The following P3H2 variants were observed in gnomAD, a reference collection of about 807,000 sequenced individuals.
P3H2 encodes prolyl 3-hydroxylase 2.
In P3H2, 80 loss-of-function variants were observed where a neutral mutation model predicts 87.0. That is an observed-to-expected ratio of 0.92 (90% confidence interval 0.77 to 1.11). The LOEUF is 1.11. Among genes scored for constraint, P3H2 ranks in the 50% least tolerant of loss-of-function variants. P3H2 has a pLI of 0.00. For synonymous variants in P3H2, 367 were observed against 359.3 expected, an observed-to-expected ratio of 1.02 and a Z score of -0.24; for missense variants, 1,001 against 923.9, an observed-to-expected ratio of 1.08 and a Z score of -1.08.
intron 1 of P3H2, among the ~76,000 whole-genome samples, chr3:190,041,673 G>T (rs1327953175): frequency 6.6e-6 from 1 of 152,148 alleles, no homozygotes; most frequent in East Asian, 1.9e-4. Context: ...GTTAAAACCT[G>T]AATTAGCTAA....
intron 1 of P3H2, among the ~76,000 whole-genome samples, chr3:190,005,473 A>T (rs911882092): frequency 4.6e-5 from 7 of 152,210 alleles, no homozygotes; most frequent in Non-Finnish European, 8.8e-5. Flanking sequence ...GGTTTAGTGA[A>T]TGTACAAATA....
At chr3:190,041,080 ACTCT>A (rs1396727352) in intron 1 of P3H2, among the ~76,000 whole-genome samples, 2,296 of 39,552 alleles carry the variant, frequency 0.058, 210 homozygotes, top group Admixed American at 0.099. Flanking sequence ...ACACACACAC[ACTCT>A]CTCTCTCTAT....
intron 1 of P3H2, among the ~76,000 whole-genome samples, chr3:190,110,319 G>A (rs556078222): frequency 2.6e-5 from 4 of 152,118 alleles, no homozygotes; most frequent in Non-Finnish European, 5.9e-5. Context: ...GAATGTTGCT[G>A]GCCATCCTAA....
chr3:190,063,943 A>G (rs965420748), intron 1 of P3H2, among the ~76,000 whole-genome samples: 2 of 151,960 alleles, frequency 1.3e-5, no homozygotes, highest in Non-Finnish European at 1.5e-5. Flanking sequence ...ATATCTATTT[A>G]AGCATTTAAA....
chr3:189,961,380 G>A (rs528482535), intron 14 of P3H2, among the ~76,000 whole-genome samples: 51 of 152,286 alleles, frequency 3.3e-4, no homozygotes, highest in Non-Finnish European at 3.5e-4. Flanking sequence ...ATGAAGCTTC[G>A]AACATCCTTG....
At chr3:190,020,861 G>T (rs1026104866) in intron 1 of P3H2, among the ~76,000 whole-genome samples, 3 of 134,348 alleles carry the variant, frequency 2.2e-5, no homozygotes, top group African/African-American at 7.7e-5. Flanking sequence ...ACAAAAGAAA[G>T]CAATGTCTAC....
In P3H2 at chr3:190,058,248, T is replaced by C. The variant is rs554647587; in HGVS notation, c.480+62004A>G. Among the ~76,000 whole-genome samples the C allele has an allele frequency of 1.1e-3, 173 of 152,316 alleles. 1 individual carries two copies. Among genetic ancestry groups the C allele is most frequent in the Non-Finnish European group, 1.9e-3 (131 of 68,026 alleles). ...AACTGGCTTGTTGAAGTCCTAGTTC[T>C]TTTTCAGTAAGATGGGGATAAGCTA... On this transcript the variant is annotated intron_variant, in intron 1 of 14. Coordinates refer to ENST00000319332, the MANE Select transcript of P3H2 (RefSeq NM_018192.4).
intron 3 of P3H2, among the ~76,000 whole-genome samples, 154 bp downstream of exon 3, chr3:189,993,940 A>G (rs1165973648): frequency 1.3e-5 from 2 of 152,178 alleles, no homozygotes; most frequent in African/African-American, 4.8e-5. Flanking sequence ...TTTTAACTAC[A>G]TACATTTCTC....
In P3H2 at chr3:189,987,699, G is replaced by A. The variant is rs781082267; in HGVS notation, c.956-30C>T. The A allele has an allele frequency of 1.7e-5, 28 of 1,613,678 alleles. No homozygotes were observed. In the South Asian group the frequency reaches 2.5e-4, roughly 15 times the overall value. ...AAGACAAAGGAGTTGCAGCATTAGA[G>A]TCAGCCTAGGTCTGTCCAAAGGATT... On this transcript the variant is annotated intron_variant, in intron 4 of 14. Coordinates refer to ENST00000319332, the MANE Select transcript of P3H2 (RefSeq NM_018192.4).
intron 1 of P3H2, among the ~76,000 whole-genome samples, chr3:190,035,702 G>C (rs1460102912): frequency 6.6e-6 from 1 of 152,140 alleles, no homozygotes; most frequent in Non-Finnish European, 1.5e-5. Context: ...CAGGATGGGA[G>C]TATTGCACTA....
chr3:189,975,058 A>G (rs999671096), intron 8 of P3H2, among the ~76,000 whole-genome samples: 1 of 152,182 alleles, frequency 6.6e-6, no homozygotes, highest in African/African-American at 2.4e-5. Context: ...GCAACACCAC[A>G]GATTGCATGT....
intron 1 of P3H2, among the ~76,000 whole-genome samples, chr3:190,101,306 G>A (rs1166623603): frequency 7.6e-6 from 1 of 131,634 alleles, no homozygotes; most frequent in Non-Finnish European, 1.5e-5. Flanking sequence ...GAGGAAGGCA[G>A]GTCAAAAGCC....
intron 1 of P3H2, among the ~76,000 whole-genome samples, chr3:190,066,118 C>T (rs545374922): frequency 9.8e-5 from 13 of 132,322 alleles, no homozygotes; most frequent in African/African-American, 1.6e-4. Flanking sequence ...CATCAATCAA[C>T]GAGTGGATAA....
In P3H2 at chr3:190,046,269, T is replaced by A. The variant is rs538779380; in HGVS notation, c.481-50827A>T. ...ATCTATCTGGTTCTATTTTTTCTGGTTGAATCCTGACTTACACAAGATATC... is the reference window on the plus strand; with the variant it reads ...ATCTATCTGGTTCTATTTTTTCTGGATGAATCCTGACTTACACAAGATATC... On this transcript the variant is annotated intron_variant, in intron 1 of 14. Transcript: ENST00000319332. 2.8e-3 allele frequency among the ~76,000 whole-genome samples: 428 copies of A among 152,364 alleles called. 3 individuals are homozygous for A. The highest frequency in any genetic ancestry group is 9.9e-3 in the African/African-American group (411 of 41,582).
chr3:190,109,687 G>C (rs920019455), intron 1 of P3H2, among the ~76,000 whole-genome samples: 2 of 152,232 alleles, frequency 1.3e-5, no homozygotes, highest in Admixed American at 1.3e-4. Flanking sequence ...GCATCTTGAA[G>C]AGAGAAGCTC....
At chr3:189,974,040 T>C (rs1723271228) in intron 9 of P3H2, 36 bp from the exon 10 acceptor site, 2 of 1,519,898 alleles carry the variant, frequency 1.3e-6, no homozygotes, top group Non-Finnish European at 1.8e-6. Context: ...TCATCAATGA[T>C]AACTATGAAT....
chr3:190,028,978 A>G (rs894426079), intron 1 of P3H2, among the ~76,000 whole-genome samples: 2 of 152,184 alleles, frequency 1.3e-5, no homozygotes, highest in Non-Finnish European at 1.5e-5. Context: ...AGAAATTTCC[A>G]GGAAGCTAAG....
intron 1 of P3H2, among the ~76,000 whole-genome samples, chr3:190,058,754 C>A (rs1047688221): frequency 6.6e-6 from 1 of 152,112 alleles, no homozygotes; most frequent in African/African-American, 2.4e-5. Context: ...TTTAACCCTG[C>A]GCAAAAGGTC....
At chr3:189,973,768 C>T in intron 10 of P3H2, 141 bp downstream of exon 10, 1 of 746,844 alleles carries the variant, frequency 1.3e-6, no homozygotes, top group East Asian at 2.6e-5. Context: ...TCGTGATCTG[C>T]CTGCCTCAGC....
Sources: gnomAD v4.1 joint callset for allele counts (sites outside exome capture counted in the v4.1 genomes callset) on GRCh38, gnomAD v4.1.1 for gene constraint, MANE v1.5 for transcripts, NCBI Gene and HGNC (gene_info 2026-07-23, HGNC 2026-07-21) for gene names.